The following GRID2 variants were observed in gnomAD, a reference collection of about 807,000 sequenced individuals.
GRID2 encodes glutamate receptor ionotropic, delta-2.
A neutral mutation model predicts 114.8 loss-of-function variants in GRID2; 33 were observed. The ratio of observed to expected loss-of-function variants is 0.29; its 90% confidence interval spans 0.22 to 0.38. GRID2 has a LOEUF of 0.38. GRID2 is among the 10% of genes least tolerant of loss of function. The probability of loss-of-function intolerance (pLI) is 1.00; values close to 1 mark genes in which losing one functional copy is unlikely to be tolerated. For synonymous variants in GRID2, 505 were observed against 449.9 expected (o/e 1.12, Z -1.55); for missense variants, 1,184 against 1,257.7 (o/e 0.94, Z 0.89).
Position 92,666,204 on chromosome 4 carries a change from A to G in GRID2, c.244+75918A>G, listed in dbSNP as rs1376665995. Among the ~76,000 whole-genome samples the G allele has an allele frequency of 2.0e-5, 3 of 151,274 alleles. No individual in the cohort carries two copies. The East Asian group carries it at 5.9e-4, about 30-fold the overall frequency. Reference sequence around the variant, plus strand: ...TCAAAACTACCTTTCAAACAGTATAATGCATTTTTCATTTCAGTTATTATA... The same window carrying G: ...TCAAAACTACCTTTCAAACAGTATAGTGCATTTTTCATTTCAGTTATTATA... On this transcript the variant is annotated intron_variant, in intron 2 of 15. Coordinates refer to ENST00000282020, the MANE Select transcript of GRID2 (RefSeq NM_001510.4).
intron 1 of GRID2, among the ~76,000 whole-genome samples, chr4:92,466,569 C>A (rs7677007): frequency 6.6e-6 from 1 of 151,442 alleles, no homozygotes; most frequent in Non-Finnish European, 1.5e-5. Context: ...AAAAAATTCT[C>A]TATCTATTCA....
chr4:92,634,478 G>A (rs896649767), intron 2 of GRID2, among the ~76,000 whole-genome samples: 4 of 152,148 alleles, frequency 2.6e-5, no homozygotes, highest in South Asian at 2.1e-4. Context: ...TTTTATTCAC[G>A]TACAACCAAG....
At chr4:92,680,163 A>G (rs925228014) in intron 2 of GRID2, among the ~76,000 whole-genome samples, 6 of 152,094 alleles carry the variant, frequency 3.9e-5, no homozygotes, top group Admixed American at 1.3e-4. Flanking sequence ...GTGAATGTAA[A>G]CAGAGGGCAT....
chr4:93,286,677 A>ATG (rs138689003), intron 8 of GRID2, among the ~76,000 whole-genome samples: 4 of 54,904 alleles, frequency 7.3e-5, no homozygotes, highest in Non-Finnish European at 1.2e-4. Flanking sequence ...GCTTTTGTGT[A>ATG]TGTGTGTGTG....
chr4:93,565,043 A>G (rs908315178), intron 13 of GRID2, among the ~76,000 whole-genome samples: 1 of 152,136 alleles, frequency 6.6e-6, no homozygotes, highest in African/African-American at 2.4e-5. Context: ...CTTAATATAA[A>G]ACATATCTAG....
intron 2 of GRID2, among the ~76,000 whole-genome samples, chr4:92,881,006 G>T (rs1227420709): frequency 1.3e-5 from 2 of 152,024 alleles, no homozygotes; most frequent in African/African-American, 4.8e-5. Flanking sequence ...GAGTTCAAGC[G>T]ATTCTCCTGC....
chr4:92,382,317 GT>G lies in GRID2; in HGVS notation c.88+77575del, dbSNP rs1450154277. The stretch of plus-strand genomic sequence containing the variant: ...TACAAAAGAAAGCCAGGGTGTGCTT[GT>G]TGGATAGCTGCATAGCAACAGCAGA... On this transcript the variant is annotated intron_variant, in intron 1 of 15. Coordinates refer to ENST00000282020, the MANE Select transcript of GRID2 (RefSeq NM_001510.4). 2.0e-5 allele frequency among the ~76,000 whole-genome samples: 3 copies of G among 152,154 alleles called. No homozygotes were observed. In the East Asian group the frequency reaches 5.8e-4, roughly 29 times the overall value.
intron 8 of GRID2, among the ~76,000 whole-genome samples, chr4:93,336,394 T>C (rs966134032): frequency 3.3e-5 from 5 of 152,218 alleles, no homozygotes; most frequent in African/African-American, 9.7e-5. Context: ...ATATGACATT[T>C]CACTGGAAGA....
At chr4:93,680,201 A>G (rs1725372609) in intron 14 of GRID2, among the ~76,000 whole-genome samples, 1 of 152,150 alleles carries the variant, frequency 6.6e-6, no homozygotes, top group South Asian at 2.1e-4. Flanking sequence ...ATTCCTTGAC[A>G]CATACACTCT....
chr4:92,724,303 C>A (rs1197313473), intron 2 of GRID2, among the ~76,000 whole-genome samples: 1 of 152,134 alleles, frequency 6.6e-6, no homozygotes, highest in Non-Finnish European at 1.5e-5. Flanking sequence ...ACTTTCCCAT[C>A]CTTCAGCGTC....
At chr4:92,321,236 G>C (rs1442677833) in intron 1 of GRID2, among the ~76,000 whole-genome samples, 1 of 152,062 alleles carries the variant, frequency 6.6e-6, no homozygotes, top group South Asian at 2.1e-4. Context: ...TGGGACTTCG[G>C]GCCTCTTTTT....
chr4:92,537,453 T>A (rs1008012901), intron 1 of GRID2, among the ~76,000 whole-genome samples: 3 of 152,200 alleles, frequency 2.0e-5, no homozygotes, highest in African/African-American at 7.2e-5. Context: ...AATAGATTTA[T>A]AATTACCAAT....
At chr4:93,712,507 A>T (rs2110170640) in intron 14 of GRID2, among the ~76,000 whole-genome samples, 1 of 152,268 alleles carries the variant, frequency 6.6e-6, no homozygotes, top group East Asian at 1.9e-4. Flanking sequence ...CTTAAAAATC[A>T]AAATAATTTT....
At chr4:93,581,023 G>A (rs977208086) in intron 13 of GRID2, among the ~76,000 whole-genome samples, 7 of 151,958 alleles carry the variant, frequency 4.6e-5, no homozygotes, top group Middle Eastern at 3.4e-3. Flanking sequence ...GTATACACGT[G>A]CCATGGTGGT....
chr4:92,531,108 TA>T (rs544339478), intron 1 of GRID2, among the ~76,000 whole-genome samples: 121 of 152,032 alleles, frequency 8.0e-4, no homozygotes, highest in African/African-American at 2.7e-3. Flanking sequence ...AAAAATAAAA[TA>T]AAAAAACTTT....
chr4:92,744,346 G>T (rs1412040818), intron 2 of GRID2, among the ~76,000 whole-genome samples: 1 of 151,784 alleles, frequency 6.6e-6, no homozygotes, highest in East Asian at 1.9e-4. Context: ...AAATTAGCCG[G>T]GTGTGGTGGC....
intron 13 of GRID2, among the ~76,000 whole-genome samples, chr4:93,609,384 G>C (rs1740692210): frequency 1.2e-5 from 1 of 84,250 alleles, no homozygotes. Flanking sequence ...TGAAGTCCTT[G>C]CCCACGCCTA....
chr4:93,056,049 C>T (rs2149286773), intron 2 of GRID2, among the ~76,000 whole-genome samples: 1 of 151,896 alleles, frequency 6.6e-6, no homozygotes, highest in East Asian at 1.9e-4. Context: ...TAAGGTCCCA[C>T]ATAGGTTTCT....
chr4:93,297,551 G>A (rs970698854), intron 8 of GRID2, among the ~76,000 whole-genome samples: 1 of 152,184 alleles, frequency 6.6e-6, no homozygotes, highest in Admixed American at 6.5e-5. Context: ...CATGCTCAAT[G>A]TAGTGATCCC....
Sources: gnomAD v4.1 joint callset for allele counts (sites outside exome capture counted in the v4.1 genomes callset) on GRCh38, gnomAD v4.1.1 for gene constraint, MANE v1.5 for transcripts, NCBI Gene and HGNC (gene_info 2026-07-23, HGNC 2026-07-21) for gene names.